The following NR5A1 variants were observed in gnomAD, a reference collection of about 807,000 sequenced individuals.
The protein encoded by NR5A1 is nuclear receptor subfamily 5 group A member 1.
NR5A1 carries 6 observed loss-of-function variants against 42.7 expected under a neutral mutation model. That is an observed-to-expected ratio of 0.14 (90% CI 0.08 to 0.28). The LOEUF is 0.28. Ranked by LOEUF, NR5A1 falls within the 10% of genes least tolerant of loss-of-function variation. NR5A1 has a pLI of 1.00. For synonymous variants in NR5A1, 274 were observed against 277.5 expected, an observed-to-expected ratio of 0.99 and a Z score of 0.12; for missense variants, 442 against 626.4, an observed-to-expected ratio of 0.71 and a Z score of 3.14.
At chr9:124,502,097 C>T (rs878932729) in intron 3 of NR5A1, among the ~76,000 whole-genome samples, 21 of 151,948 alleles carry the variant, frequency 1.4e-4, no homozygotes, top group African/African-American at 4.6e-4. Context: ...TTTGGATGGA[C>T]GGACAGACAA....
chr9:124,504,904 TC>T (rs1193208755), intron 1 of NR5A1, among the ~76,000 whole-genome samples: 1 of 107,446 alleles, frequency 9.3e-6, no homozygotes, highest in Non-Finnish European at 2.0e-5. Flanking sequence ...GCCTCCCTGT[TC>T]CCCCCCGCAC....
chr9:124,500,675 A>G lies in NR5A1; in HGVS notation c.285T>C (p.Phe95=), dbSNP rs1832457449. ...CCCGGTCCCGCTTGTACATCGGCCC[A>G]AACTTGTTCCGGCCACCCCTCATAC... ...ADRMRGGRNK[F]GPMYKRDRAL... is the part of the protein sequence containing the mutation. The change falls in exon 4 of 7, where the codon TTT becomes TTC. Residue 95 remains phenylalanine, a synonymous_variant. Transcript: ENST00000373588. The surrounding 1 kb of genome is among the most constrained non-coding windows in gnomAD (Gnocchi z 6.9). 6.2e-7 allele frequency: 1 copy of G among 1,613,114 alleles called. No individual in the cohort carries two copies. The highest frequency in any genetic ancestry group is 1.3e-5 in the African/African-American group (1 of 74,912).
intron 6 of NR5A1, 64 bp downstream of exon 6, chr9:124,491,017 A>AAC: frequency 6.3e-5 from 29 of 457,430 alleles, no homozygotes; most frequent in Admixed American, 1.5e-4. Context: ...CTCCAGCCTC[A>AAC]CCCACCCTCC....
intron 6 of NR5A1, among the ~76,000 whole-genome samples, chr9:124,489,871 G>C (rs1588617033): frequency 6.6e-6 from 1 of 151,566 alleles, no homozygotes; most frequent in Admixed American, 6.6e-5. Context: ...TGCCAGAATC[G>C]GGAGACCCAG....
In NR5A1 at chr9:124,503,508, A is replaced by C; in HGVS notation, c.-15-98T>G. 2 of 989,098 alleles carry C rather than the reference A, an allele frequency of 2.0e-6. No individual in the cohort carries two copies. The highest frequency in any genetic ancestry group is 1.7e-5 in the South Asian group (1 of 59,154). 61.3% of individuals were successfully genotyped at this position (989,098 alleles called of 1,614,324 possible). ...GCCGCTGTCGCCGGCCCGTCGCGTA[A>C]TCCCCTCTCTGTGCCCAGGCGCTGC... On this transcript the variant is annotated intron_variant, in intron 1 of 6. Coordinates refer to ENST00000373588, the MANE Select transcript of NR5A1 (RefSeq NM_004959.5). The surrounding 1 kb of genome is among the most constrained non-coding windows in gnomAD (Gnocchi z 9.6).
Position 124,482,228 on chromosome 9 carries a change from C to T in NR5A1, c.*530G>A, listed in dbSNP as rs1333672189. The T allele has an allele frequency of 4.9e-6, 1 of 204,230 alleles. No individual in the cohort carries two copies. The highest frequency in any genetic ancestry group is 1.0e-5 in the Non-Finnish European group (1 of 99,834). The allele number at this position is 204,230 out of a possible 1,614,324, so 12.7% of individuals were successfully genotyped here. On this transcript the variant is annotated 3_prime_UTR_variant, in exon 7 of 7. Coordinates refer to ENST00000373588, the MANE Select transcript of NR5A1 (RefSeq NM_004959.5). ...TGTCCTCTAGGGCCCAATAGCCCCT[C>T]TCAATTTAGCAAACTCGGTTATCCT...
intron 6 of NR5A1, among the ~76,000 whole-genome samples, chr9:124,483,795 G>C (rs553013285): frequency 6.6e-6 from 1 of 152,330 alleles, no homozygotes; most frequent in Non-Finnish European, 1.5e-5. Context: ...AATGCAGGAG[G>C]ACTGGTGGCC....
At chr9:124,506,748 G>A (rs1469858375) in intron 1 of NR5A1, among the ~76,000 whole-genome samples, 3 of 152,138 alleles carry the variant, frequency 2.0e-5, no homozygotes, top group Non-Finnish European at 2.9e-5. Flanking sequence ...CCAGCCCACC[G>A]CCTGGGGAGT....
rs1470943870 is a variant in NR5A1 at position 124,481,559 on chromosome 9, CA to C, written c.*1198del. 6.6e-6 allele frequency: 1 copy of C among 152,370 alleles called. No individual in the cohort carries two copies. Among genetic ancestry groups the C allele is most frequent in the Non-Finnish European group, 1.5e-5 (1 of 68,170 alleles). 9.4% of individuals were successfully genotyped at this position (152,370 alleles called of 1,614,324 possible). On this transcript the variant is annotated 3_prime_UTR_variant, in exon 7 of 7. Coordinates refer to ENST00000373588, the MANE Select transcript of NR5A1 (RefSeq NM_004959.5). Reference sequence around the variant, plus strand: ...GCAGAGTGTCCTTCATGACCTAGGACAGGGGGTCAGGGAGCTGAGGGCCAGC... The same window carrying C: ...GCAGAGTGTCCTTCATGACCTAGGACGGGGGTCAGGGAGCTGAGGGCCAGC...
At chr9:124,499,262 T>A (rs1217502073) in intron 4 of NR5A1, among the ~76,000 whole-genome samples, 1 of 152,108 alleles carries the variant, frequency 6.6e-6, no homozygotes, top group Non-Finnish European at 1.5e-5. Context: ...GACTGGGAAG[T>A]TCTTTCCTAT....
chr9:124,493,664 C>G (rs150037291), intron 4 of NR5A1, among the ~76,000 whole-genome samples: 14 of 152,360 alleles, frequency 9.2e-5, no homozygotes, highest in East Asian at 1.9e-4. Flanking sequence ...GGGCTTCCCC[C>G]CCGGGCCTAC....
In NR5A1 at chr9:124,500,501, G is replaced by T; in HGVS notation, c.459C>A (p.Ala153=). ...CCAGTGGCCCAGCAGGTGGACCGGCGGCCAGGCCCTTGGGCTCAGGCCCAT... is the reference window on the plus strand; with the variant it reads ...CCAGTGGCCCAGCAGGTGGACCGGCTGCCAGGCCCTTGGGCTCAGGCCCAT... ...SLHGPEPKGL[A]AGPPAGPLGD... is the part of the protein sequence containing the mutation. The change falls in exon 4 of 7, where the codon GCC becomes GCA. Residue 153 remains alanine, a synonymous_variant. Coordinates refer to ENST00000373588, the MANE Select transcript of NR5A1 (RefSeq NM_004959.5). This position sits in a 1 kb window ranked among gnomAD's most constrained non-coding sequence, Gnocchi z 6.9. 6.2e-7 allele frequency: 1 copy of T among 1,604,830 alleles called. No homozygotes were observed. The highest frequency in any genetic ancestry group is 1.3e-5 in the African/African-American group (1 of 74,916).
rs1177665499 is a variant in NR5A1 at position 124,482,908 on chromosome 9, G to A, written c.1236C>T (p.Cys412=). ...LDYTLCHYPH[C]GDKFQQLLLC... is the part of the protein sequence containing the mutation. ...GCAGCAGCTGCTGGAATTTGTCCCC[G>A]CAGTGCGGGTAGTGGCACAGGGTGT... The change falls in exon 7 of 7, where the codon TGC becomes TGT. Residue 412 remains cysteine (C), a synonymous_variant. Transcript: ENST00000373588. 2.5e-6 allele frequency: 4 copies of A among 1,614,056 alleles called. No individual in the cohort carries two copies. The highest frequency in any genetic ancestry group is 1.7e-5 in the Admixed American group (1 of 60,000).
Position 124,493,039 on chromosome 9 carries a change from G to A in NR5A1, c.981C>T (p.Thr327=), listed in dbSNP as rs141555967. 2.6e-5 allele frequency: 41 copies of A among 1,600,616 alleles called. No homozygotes were observed. The highest frequency in any genetic ancestry group is 1.9e-4 in the African/African-American group (14 of 74,954). Residue 327 remains threonine (T), a synonymous_variant, in exon 5 of 7, where the codon ACC becomes ACT. Coordinates refer to ENST00000373588, the MANE Select transcript of NR5A1 (RefSeq NM_004959.5). ...CCGAGGGACTGGTCACCTCCTGCCC[G>A]GTGACCAGCAGGATGCTGCCCTCCT... is the stretch of plus-strand genomic sequence containing the variant. ...HGKEGSILLV[T]GQEVELTTVA...
chr9:124,487,683 G>C (rs1323048727), intron 6 of NR5A1, among the ~76,000 whole-genome samples: 1 of 152,206 alleles, frequency 6.6e-6, no homozygotes, highest in Non-Finnish European at 1.5e-5. Context: ...GTCCGGCCCA[G>C]GGCGGAGCCG....
In NR5A1 at chr9:124,498,757, C is replaced by T. The variant is rs1261996313; in HGVS notation, c.870+1333G>A. Among the ~76,000 whole-genome samples, 1 of 152,198 alleles carries T rather than the reference C, an allele frequency of 6.6e-6. No individual in the cohort carries two copies. Among genetic ancestry groups the T allele is most frequent in the African/African-American group, 2.4e-5 (1 of 41,442 alleles). ...GTTGAGAAGGGGCTGGGGTGAGAAA[C>T]CCACCCCATGACAGACACATGGTAC... is the stretch of plus-strand genomic sequence containing the variant. On this transcript the variant is annotated intron_variant, in intron 4 of 6. Transcript: ENST00000373588. This position sits in a 1 kb window ranked among gnomAD's most constrained non-coding sequence, Gnocchi z 4.6.
chr9:124,487,604 G>A (rs1297962940), intron 6 of NR5A1, among the ~76,000 whole-genome samples: 2 of 152,272 alleles, frequency 1.3e-5, no homozygotes, highest in African/African-American at 4.8e-5. Flanking sequence ...AGGCAGGCGC[G>A]AAGGAGGCGC....
rs1432953138 is a variant in NR5A1, at chr9:124,503,251, C to A, written c.103-31G>T. 5.0e-6 allele frequency: 8 copies of A among 1,604,228 alleles called. No individual in the cohort carries two copies. The highest frequency in any genetic ancestry group is 1.3e-5 in the African/African-American group (1 of 74,746). On this transcript the variant is annotated intron_variant, in intron 2 of 6. Transcript: ENST00000373588. The surrounding 1 kb of genome is among the most constrained non-coding windows in gnomAD (Gnocchi z 9.6). ...GGAGCTGAGAGTCAGCGAGGCCCCG[C>A]AGCGCCCGTCTGCCGCACCCCTGCC...
intron 1 of NR5A1, among the ~76,000 whole-genome samples, chr9:124,505,583 G>A (rs1245932957): frequency 6.6e-6 from 1 of 152,238 alleles, no homozygotes; most frequent in Non-Finnish European, 1.5e-5. Flanking sequence ...GCTCAGTGGC[G>A]CCCCTCTGGG....
Sources: gnomAD v4.1 joint callset for allele counts (sites outside exome capture counted in the v4.1 genomes callset) on GRCh38, gnomAD v4.1.1 for gene constraint, Gnocchi (gnomAD v3.1) non-coding constraint, MANE v1.5 for transcripts, NCBI Gene and HGNC (gene_info 2026-07-23, HGNC 2026-07-21) for gene names.